HTR4: variants seen among roughly 807,000 people sequenced by gnomAD.
HTR4 encodes 5-hydroxytryptamine (serotonin) receptor 4, G protein-coupled.
A neutral mutation model predicts 36.8 loss-of-function variants in HTR4; 16 were observed. The observed-to-expected ratio is 0.43, with a 90% CI of 0.29 to 0.66. The LOEUF is 0.66. Ranked by LOEUF, HTR4 falls within the 30% of genes least tolerant of loss-of-function variation. The probability of loss-of-function intolerance (pLI) is 0.13; values close to 1 mark genes in which losing one functional copy is unlikely to be tolerated. For missense variants in HTR4, 438 were observed against 490.9 expected (o/e 0.89, Z 1.02); for synonymous variants, 189 against 185.1 (o/e 1.02, Z -0.17).
At chr5:148,476,594 A>G, downstream of HTR4, 7 of 1,491,482 alleles carry the variant, frequency 4.7e-6, no homozygotes, top group South Asian at 9.8e-5. Context: ...GGTACAGTGG[A>G]GATGCCGTAA....
chr5:148,588,097 G>A (rs1341460931), intron 2 of HTR4, among the ~76,000 whole-genome samples: 2 of 152,088 alleles, frequency 1.3e-5, no homozygotes, highest in African/African-American at 4.8e-5. Flanking sequence ...AAAACACCAA[G>A]GCTCGTAAGA....
intron 2 of HTR4, among the ~76,000 whole-genome samples, chr5:148,573,323 C>G (rs781692972): frequency 6.6e-6 from 1 of 152,020 alleles, no homozygotes. Flanking sequence ...ACAAAGAACT[C>G]TTAATCCTCA....
intron 2 of HTR4, among the ~76,000 whole-genome samples, chr5:148,551,719 T>TACACTA (rs1212968904): frequency 2.6e-5 from 4 of 152,134 alleles, no homozygotes; most frequent in Admixed American, 6.5e-5. Context: ...ACACATAACA[T>TACACTA]ACACTAACAC....
intron 1 of HTR4, among the ~76,000 whole-genome samples, chr5:148,649,581 A>G (rs2127319273): frequency 6.6e-6 from 1 of 152,348 alleles, no homozygotes; most frequent in South Asian, 2.1e-4. Context: ...GAATTTTATC[A>G]TCCAAATTAA....
chr5:148,514,585 C>A (rs1158901270), intron 5 of HTR4, among the ~76,000 whole-genome samples: 1 of 152,128 alleles, frequency 6.6e-6, no homozygotes, highest in African/African-American at 2.4e-5. Flanking sequence ...CCCAATGTCA[C>A]TTACCCTTCT....
At chr5:148,543,093 C>G (rs1470554441) in intron 4 of HTR4, among the ~76,000 whole-genome samples, 2 of 152,176 alleles carry the variant, frequency 1.3e-5, no homozygotes, top group Non-Finnish European at 2.9e-5. Flanking sequence ...TTAGGTTTCT[C>G]TTCCTATGGA....
chr5:148,486,965 C>T (rs1756189267), intron 6 of HTR4, among the ~76,000 whole-genome samples: 2 of 152,190 alleles, frequency 1.3e-5, no homozygotes, highest in African/African-American at 4.8e-5. Flanking sequence ...TTGGCAGAGC[C>T]ACTCAAAATC....
chr5:148,624,811 A>G (rs934621556), intron 2 of HTR4, among the ~76,000 whole-genome samples: 1 of 152,188 alleles, frequency 6.6e-6, no homozygotes, highest in African/African-American at 2.4e-5. Flanking sequence ...TGGGCCTTCA[A>G]TGATGTGGAG....
chr5:148,522,361 C>T (rs1179262937), intron 5 of HTR4, among the ~76,000 whole-genome samples: 1 of 152,112 alleles, frequency 6.6e-6, no homozygotes, highest in East Asian at 1.9e-4. Flanking sequence ...CATGTCTAAG[C>T]AAAGTCTAAG....
At chr5:148,501,810 A>T (rs1047426391) in intron 6 of HTR4, among the ~76,000 whole-genome samples, 3 of 152,170 alleles carry the variant, frequency 2.0e-5, no homozygotes, top group Non-Finnish European at 4.4e-5. Flanking sequence ...CTGTAATCCC[A>T]GCACTTTGGG....
At position 148,612,067 on chromosome 5, in the gene HTR4, G is replaced by A. The variant is rs1305402619; in HGVS notation, c.26+24922C>T. Among the ~76,000 whole-genome samples the A allele has an allele frequency of 5.7e-4, 87 of 152,162 alleles. 1 individual carries two copies. The South Asian group carries it at 5.8e-3, about 10-fold the overall frequency. On this transcript the variant is annotated intron_variant, in intron 2 of 6. Coordinates refer to ENST00000377888, the MANE Select transcript of HTR4 (RefSeq NM_000870.7). ...CCTACAAAGAGACTTAGACTCCCAC[G>A]CATTAATAATGGGAGAATTTAACAC... is the stretch of plus-strand genomic sequence containing the variant.
chr5:148,465,313 G>A (rs1012316919), intron 5 of HTR4, among the ~76,000 whole-genome samples: 7 of 152,134 alleles, frequency 4.6e-5, no homozygotes, highest in African/African-American at 1.7e-4. Context: ...GACAATGGGG[G>A]AGGCTGTGCC....
chr5:148,635,520 A>T (rs997775362), intron 2 of HTR4, among the ~76,000 whole-genome samples: 1 of 152,178 alleles, frequency 6.6e-6, no homozygotes, highest in African/African-American at 2.4e-5. Flanking sequence ...ATGTCCATTT[A>T]ATCAAATTGT....
At chr5:148,580,174 T>C (rs753531587) in intron 2 of HTR4, among the ~76,000 whole-genome samples, 1 of 151,934 alleles carries the variant, frequency 6.6e-6, no homozygotes, top group Non-Finnish European at 1.5e-5. Flanking sequence ...TTAGATACAG[T>C]GAAACAAAAA....
At chr5:148,605,670 A>G (rs778853507) in intron 2 of HTR4, among the ~76,000 whole-genome samples, 43 of 152,036 alleles carry the variant, frequency 2.8e-4, no homozygotes, top group Non-Finnish European at 4.9e-4. Context: ...CAAATTATCT[A>G]TGGCCCTGAA....
At chr5:148,542,238 A>G (rs1581449444) in intron 4 of HTR4, among the ~76,000 whole-genome samples, 1 of 152,242 alleles carries the variant, frequency 6.6e-6, no homozygotes, top group Non-Finnish European at 1.5e-5. Flanking sequence ...CTAAAAGAGT[A>G]TGTGAGAAGG....
intron 2 of HTR4, among the ~76,000 whole-genome samples, chr5:148,590,844 C>T (rs995945472): frequency 6.6e-6 from 1 of 151,736 alleles, no homozygotes; most frequent in African/African-American, 2.4e-5. Context: ...TTACATACCA[C>T]TTGTCAATTT....
intron 5 of HTR4, among the ~76,000 whole-genome samples, chr5:148,454,011 A>G (rs1755037890): frequency 6.6e-6 from 1 of 152,146 alleles, no homozygotes; most frequent in Admixed American, 6.5e-5. Context: ...AGCCTTCACA[A>G]CTTTTCTCAG....
exon 6 of HTR4, chr5:148,451,272 C>G: frequency 1.2e-6 from 2 of 1,613,588 alleles, no homozygotes; most frequent in Non-Finnish European, 1.7e-6. Context: ...GAACGGTGTA[C>G]CTAGAAAGGA....
Sources: allele counts gnomAD v4.1 joint callset (sites outside exome capture counted in the v4.1 genomes callset), GRCh38; gene constraint gnomAD v4.1.1; transcripts MANE v1.5; gene names NCBI Gene and HGNC (gene_info 2026-07-23, HGNC 2026-07-21).